PTPRT: variants seen among roughly 807,000 people sequenced by gnomAD.
The protein encoded by PTPRT is receptor-type tyrosine-protein phosphatase T.
PTPRT carries 56 observed loss-of-function variants against 176.8 expected under a neutral mutation model. That is an observed-to-expected ratio of 0.32 (90% CI 0.26 to 0.40). The LOEUF (loss-of-function observed/expected upper bound fraction) is 0.40. Among genes scored for constraint, PTPRT ranks in the 10% least tolerant of loss-of-function variants. The probability of loss-of-function intolerance (pLI) is 1.00; values close to 1 mark genes in which losing one functional copy is unlikely to be tolerated. For synonymous variants in PTPRT, 783 were observed against 739.0 expected, an observed-to-expected ratio of 1.06 and a Z score of -0.96; for missense variants, 1,540 against 1,908.2, an observed-to-expected ratio of 0.81 and a Z score of 3.60.
chr20:42,884,736 G>C (rs1243172884), intron 2 of PTPRT, among the ~76,000 whole-genome samples: 1 of 152,160 alleles, frequency 6.6e-6, no homozygotes, highest in Non-Finnish European at 1.5e-5. Context: ...ACCAAGACAG[G>C]TGTGGGTTAA....
chr20:42,178,292 A>G (rs760818952), intron 16 of PTPRT, among the ~76,000 whole-genome samples: 1 of 152,122 alleles, frequency 6.6e-6, no homozygotes, highest in Non-Finnish European at 1.5e-5. Context: ...AGTGATTCTC[A>G]TAGTAATAAA....
At chr20:42,461,872 GT>G (rs768795295) in intron 8 of PTPRT, among the ~76,000 whole-genome samples, 22 of 148,866 alleles carry the variant, frequency 1.5e-4, no homozygotes, top group Admixed American at 5.4e-4. Context: ...GTGTTTCTGG[GT>G]TTTTTTTTTA....
chr20:42,326,737 T>A (rs1056813429), intron 11 of PTPRT, among the ~76,000 whole-genome samples: 2 of 152,054 alleles, frequency 1.3e-5, no homozygotes, highest in Non-Finnish European at 2.9e-5. Context: ...GATGAATAAA[T>A]GGACAGAAAG....
chr20:42,395,311 C>T (rs2058838916), intron 9 of PTPRT, among the ~76,000 whole-genome samples: 1 of 152,136 alleles, frequency 6.6e-6, no homozygotes, highest in Non-Finnish European at 1.5e-5. Flanking sequence ...CATCCCCATA[C>T]ATTCTGTCTT....
chr20:42,317,194 C>T (rs2057733367), intron 11 of PTPRT, among the ~76,000 whole-genome samples: 1 of 152,204 alleles, frequency 6.6e-6, no homozygotes. Flanking sequence ...CCTTGAGTTC[C>T]TGTCTAGTGA....
intron 3 of PTPRT, among the ~76,000 whole-genome samples, chr20:42,789,630 C>A (rs1299893828): frequency 6.6e-6 from 1 of 152,152 alleles, no homozygotes; most frequent in Non-Finnish European, 1.5e-5. Flanking sequence ...ACCACCATTA[C>A]CATCATCATC....
At chr20:43,048,794 G>A (rs1037033230) in intron 1 of PTPRT, among the ~76,000 whole-genome samples, 1 of 152,178 alleles carries the variant, frequency 6.6e-6, no homozygotes, top group African/African-American at 2.4e-5. Context: ...CAAAGTTTAT[G>A]ACATGGAGAG....
chr20:42,193,230 G>A (rs1991067864), intron 16 of PTPRT, among the ~76,000 whole-genome samples: 1 of 152,236 alleles, frequency 6.6e-6, no homozygotes. Flanking sequence ...GTTACTGAGA[G>A]AATGACTAAG....
In PTPRT at chr20:42,421,865, A is replaced by G. The variant is rs2059121688; in HGVS notation, c.1560+26355T>C. Among the ~76,000 whole-genome samples the G allele has an allele frequency of 2.0e-5, 3 of 152,284 alleles. No homozygotes were observed. The South Asian group carries it at 6.2e-4, about 32-fold the overall frequency. ...GGTACAAAAACAGACACAGAGACCA[A>G]TGGAACAGAATAGAGAACCCAGATA... On this transcript the variant is annotated intron_variant, in intron 9 of 30. Transcript: ENST00000373187.
At chr20:42,489,283 A>G (rs1199165533) in intron 7 of PTPRT, among the ~76,000 whole-genome samples, 1 of 151,944 alleles carries the variant, frequency 6.6e-6, no homozygotes, top group East Asian at 1.9e-4. Context: ...CTTTCCTTTG[A>G]AGTTAGGTAT....
In PTPRT at chr20:43,189,578, G is replaced by C. The variant is rs966974390; in HGVS notation, c.88+68C>G. 5 of 1,074,558 alleles carry C rather than the reference G, an allele frequency of 4.7e-6. No individual in the cohort carries two copies. In the African/African-American group the frequency reaches 8.2e-5, roughly 18 times the overall value. The allele number at this position is 1,074,558 out of a possible 1,614,324, so 66.6% of individuals were successfully genotyped here. A position where few individuals can be genotyped will look rare whatever the true frequency, so the allele number is the denominator to read the frequency against. On this transcript the variant is annotated intron_variant, in intron 1 of 30. Coordinates refer to ENST00000373187, the MANE Select transcript of PTPRT (RefSeq NM_007050.6). This position sits in a 1 kb window ranked among gnomAD's most constrained non-coding sequence, Gnocchi z 5.0. ...CACAACTTTCTCCTCCGAGGGCCCC[G>C]CGGCTGGGGGCCCGCGCGCATCCAG...
intron 6 of PTPRT, among the ~76,000 whole-genome samples, chr20:42,708,894 A>G (rs941820542): frequency 2.6e-5 from 4 of 152,224 alleles, no homozygotes; most frequent in Non-Finnish European, 5.9e-5. Flanking sequence ...ATTGGCATTA[A>G]CGAGCAGAAT....
At chr20:42,326,010 T>C (rs893441124) in intron 11 of PTPRT, among the ~76,000 whole-genome samples, 1 of 152,230 alleles carries the variant, frequency 6.6e-6, no homozygotes, top group African/African-American at 2.4e-5. Flanking sequence ...CAGGGAAGTC[T>C]GTCCTGACCA....
At chr20:43,172,591 T>C (rs2146463203) in intron 1 of PTPRT, among the ~76,000 whole-genome samples, 1 of 152,346 alleles carries the variant, frequency 6.6e-6, no homozygotes, top group South Asian at 2.1e-4. Context: ...GCATTTATGA[T>C]GCCTCCACTG....
At chr20:42,104,800 C>T in intron 24 of PTPRT, 82 bp from the exon 25 acceptor site, 1 of 1,394,536 alleles carries the variant, frequency 7.2e-7, no homozygotes, top group Admixed American at 1.9e-5. Context: ...AGTGTTGTGG[C>T]TATGAAGAAT....
intron 1 of PTPRT, among the ~76,000 whole-genome samples, chr20:43,173,270 C>T (rs576512994): frequency 9.4e-4 from 143 of 152,186 alleles, no homozygotes; most frequent in African/African-American, 3.3e-3. Context: ...AGTCACAGAG[C>T]GGAAACTTAG....
intron 1 of PTPRT, among the ~76,000 whole-genome samples, chr20:43,188,747 C>CT (rs1157070470): frequency 2.4e-4 from 5 of 21,022 alleles, no homozygotes; most frequent in East Asian, 3.2e-3. Flanking sequence ...CGCCGCTACT[C>CT]TTGGGGGGGG....
At chr20:42,451,417 T>C (rs1344977087) in intron 8 of PTPRT, among the ~76,000 whole-genome samples, 2 of 152,120 alleles carry the variant, frequency 1.3e-5, no homozygotes, top group Non-Finnish European at 2.9e-5. Flanking sequence ...CAAGTGGCAA[T>C]GCTGAGTAGC....
At chr20:42,443,251 T>C (rs150970350) in intron 9 of PTPRT, among the ~76,000 whole-genome samples, 2 of 152,370 alleles carry the variant, frequency 1.3e-5, no homozygotes, top group African/African-American at 2.4e-5. Flanking sequence ...TTTGAGAATG[T>C]TTCTTAAACC....
Sources: gnomAD v4.1 joint callset for allele counts (sites outside exome capture counted in the v4.1 genomes callset) on GRCh38, gnomAD v4.1.1 for gene constraint, Gnocchi (gnomAD v3.1) non-coding constraint, MANE v1.5 for transcripts, NCBI Gene and HGNC (gene_info 2026-07-23, HGNC 2026-07-21) for gene names.